The following KIAA1755 variants were observed in gnomAD, a reference collection of about 807,000 sequenced individuals.
KIAA1755 encodes KIAA1755.
Under a neutral mutation model 91.7 loss-of-function variants are expected in KIAA1755, and 68 were observed. The ratio of observed to expected loss-of-function variants is 0.74; its 90% CI spans 0.61 to 0.91. The LOEUF is 0.91. Ranked by LOEUF, KIAA1755 falls within the 40% of genes least tolerant of loss-of-function variation. The pLI, the probability that KIAA1755 is intolerant of heterozygous loss-of-function variation, is 0.00. For missense variants in KIAA1755, 1,535 were observed against 1,494.4 expected (o/e 1.03, Z -0.45); for synonymous variants, 610 against 604.6 (o/e 1.01, Z -0.13).
chr20:38,212,086 C>CTA lies in KIAA1755; in HGVS notation c.*955_*956insTA, dbSNP rs1279431413. ...ATCCCAGCACTTTGGGAGGCTGAGT[C>CTA]CAGAGGATCACTTGAGCTTGAGATC... is the stretch of plus-strand genomic sequence containing the variant. On this transcript the variant is annotated 3_prime_UTR_variant, in exon 14 of 14. Transcript: ENST00000279024. 1 of 152,244 alleles carries CTA rather than the reference C, an allele frequency of 6.6e-6. No homozygotes were observed. The highest frequency in any genetic ancestry group is 1.5e-5 in the Non-Finnish European group (1 of 68,120). The allele number at this position is 152,244 out of a possible 1,614,324, so 9.4% of individuals were successfully genotyped here.
rs11482397 is a variant in KIAA1755, at chr20:38,213,955, C to CTT, written c.2902-214_2902-213dup. On this transcript the variant is annotated intron_variant, in intron 13 of 13. Transcript: ENST00000279024. Reference sequence around the variant, plus strand: ...AAGCACCCTTAGAATCATCAGACACCTTTTTTTTTTTTTTGAGATGGAGTC... The same window carrying CTT: ...AAGCACCCTTAGAATCATCAGACACCTTTTTTTTTTTTTTTTGAGATGGAGTC... Among the ~76,000 whole-genome samples, 350 of 142,894 alleles carry CTT rather than the reference C, an allele frequency of 2.4e-3. 2 individuals are homozygous for CTT. The highest frequency in any genetic ancestry group is 7.1e-3 in the Middle Eastern group (2 of 282). The allele number at this position is 142,894 out of a possible 152,430, so 93.7% of individuals were successfully genotyped here. A position where few individuals can be genotyped will look rare whatever the true frequency, so the allele number is the denominator to read the frequency against.
chr20:38,255,218 C>T (rs2076320110), intron 1 of KIAA1755, among the ~76,000 whole-genome samples: 1 of 152,028 alleles, frequency 6.6e-6, no homozygotes, highest in South Asian at 2.1e-4. Flanking sequence ...CTGCCTCAGG[C>T]CTAGGGAGAG....
At chr20:38,218,680 G>A (rs1035536355) in intron 11 of KIAA1755, among the ~76,000 whole-genome samples, 4 of 152,256 alleles carry the variant, frequency 2.6e-5, no homozygotes, top group Admixed American at 6.5e-5. Context: ...ACTCAGAGAC[G>A]CCGGATCATA....
intron 6 of KIAA1755, 22 bp from the exon 7 acceptor site, chr20:38,227,262 G>T: frequency 6.3e-7 from 1 of 1,593,302 alleles, no homozygotes; most frequent in Non-Finnish European, 8.6e-7. Context: ...AACCACTGCA[G>T]AGTTGCTCTG....
rs1372187473 is a variant in KIAA1755 at position 38,239,532 on chromosome 20, C to A, written c.1743G>T (p.Leu581=). The change falls in exon 4 of 14, where the codon CTG becomes CTT. Residue 581 remains leucine (L), a synonymous_variant. Coordinates refer to ENST00000279024, the MANE Select transcript of KIAA1755 (RefSeq NM_001029864.2). Reference sequence around the variant, plus strand: ...CCTGCTTGAATCCCCTGGAACCTGGCAGGCATGCTATCCTGGAGCGGAAAA... The same window carrying A: ...CCTGCTTGAATCCCCTGGAACCTGGAAGGCATGCTATCCTGGAGCGGAAAA... ...VKVFRSRIAC[L]PGGRDRAGRP... 1 of 1,613,662 alleles carries A rather than the reference C, an allele frequency of 6.2e-7. No homozygotes were observed. The highest frequency in any genetic ancestry group is 8.5e-7 in the Non-Finnish European group (1 of 1,179,908).
At chr20:38,246,275 G>A in intron 1 of KIAA1755, 149 bp from the exon 2 acceptor site, 1 of 655,142 alleles carries the variant, frequency 1.5e-6, no homozygotes, top group Middle Eastern at 4.2e-4. Context: ...ATCACTGCCA[G>A]CCACACTGGC....
chr20:38,254,617 G>A (rs768352963), intron 1 of KIAA1755, among the ~76,000 whole-genome samples: 17 of 151,950 alleles, frequency 1.1e-4, no homozygotes, highest in Non-Finnish European at 2.2e-4. Context: ...GTGACAGCCT[G>A]TCTCTATAAA....
intron 3 of KIAA1755, 96 bp from the exon 4 acceptor site, chr20:38,239,821 C>CTATTA: frequency 1.8e-6 from 2 of 1,110,822 alleles, no homozygotes; most frequent in Non-Finnish European, 2.7e-6. Context: ...CTAATAATAG[C>CTATTA]TTACAACTAT....
In KIAA1755 at chr20:38,248,306, T is replaced by C. The variant is rs189877923; in HGVS notation, c.4-2180A>G. The stretch of plus-strand genomic sequence containing the variant: ...GATGTGATGTTGCTGGCTTGGAACA[T>C]AGAGCGGGAGCCAAGGAATGCGGGC... On this transcript the variant is annotated intron_variant, in intron 1 of 13. Transcript: ENST00000279024. Among the ~76,000 whole-genome samples, 11 of 152,166 alleles carry C rather than the reference T, an allele frequency of 7.2e-5. No homozygotes were observed. The East Asian group carries it at 1.4e-3, about 19-fold the overall frequency.
In KIAA1755 at chr20:38,245,970, G is replaced by A. The variant is rs754271971; in HGVS notation, c.160C>T (p.Pro54Ser). Residue 54 changes from proline to serine, a missense_variant, in exon 2 of 14, where the codon CCT (proline) becomes TCT (serine). Transcript: ENST00000279024. Reference sequence around the variant, plus strand: ...ACTTGCTCACACAGGCGCTTGGCAGGGATCAGGAAATCCAGAAGGAAGCTC... The same window carrying A: ...ACTTGCTCACACAGGCGCTTGGCAGAGATCAGGAAATCCAGAAGGAAGCTC... ...GLSFLLDFLI[P>S]AKRLCEQVRE... 3 of 1,614,160 alleles carry A rather than the reference G, an allele frequency of 1.9e-6. No individual in the cohort carries two copies. Among genetic ancestry groups the A allele is most frequent in the Non-Finnish European group, 2.5e-6 (3 of 1,180,030 alleles).
chr20:38,242,186 G>A lies in KIAA1755; in HGVS notation c.202-257C>T, dbSNP rs75548462. 3.4e-3 allele frequency among the ~76,000 whole-genome samples: 524 copies of A among 152,270 alleles called. 4 individuals are homozygous for A. In the East Asian group the frequency reaches 0.043, roughly 12 times the overall value. Reference sequence around the variant, plus strand: ...GAGCACCATGCACTAGTTAGCAATCGGCTTTCCCAAGTGGTCCCCTTGCTT... The same window carrying A: ...GAGCACCATGCACTAGTTAGCAATCAGCTTTCCCAAGTGGTCCCCTTGCTT... On this transcript the variant is annotated intron_variant, in intron 2 of 13. Transcript: ENST00000279024.
chr20:38,245,658 G>C (rs1031918102), intron 2 of KIAA1755, among the ~76,000 whole-genome samples: 1 of 152,214 alleles, frequency 6.6e-6, no homozygotes, highest in Non-Finnish European at 1.5e-5. Flanking sequence ...CCCAAGACCA[G>C]GGAGCCCCCA....
chr20:38,259,810 A>G (rs1349984900), intron 1 of KIAA1755, among the ~76,000 whole-genome samples: 1 of 127,368 alleles, frequency 7.9e-6, no homozygotes, highest in South Asian at 3.0e-4. Context: ...CATCCCTGCC[A>G]CCACCACCAC....
Position 38,219,760 on chromosome 20 carries a change from A to T in KIAA1755, c.2426T>A (p.Leu809Gln), listed in dbSNP as rs2075623777. ...LDFSPDVRSH[L>Q]AAATALYSLV... Reference sequence around the variant, plus strand: ...GCTGTACAAGGCAGTGGCTGCAGCCAGATGGCTCCTGGGAGGTGGGCGGAG... The same window carrying T: ...GCTGTACAAGGCAGTGGCTGCAGCCTGATGGCTCCTGGGAGGTGGGCGGAG... Residue 809 changes from leucine (L) to glutamine (Q), a missense_variant, in exon 11 of 14, where the codon CTG becomes CAG. Coordinates refer to ENST00000279024, the MANE Select transcript of KIAA1755 (RefSeq NM_001029864.2). The T allele has an allele frequency of 1.2e-6, 2 of 1,614,066 alleles. No homozygotes were observed. Among genetic ancestry groups the T allele is most frequent in the Non-Finnish European group, 1.7e-6 (2 of 1,180,030 alleles).
intron 5 of KIAA1755, 112 bp downstream of exon 5, chr20:38,231,088 AAC>A: frequency 8.4e-7 from 1 of 1,195,648 alleles, no homozygotes; most frequent in Non-Finnish European, 1.2e-6. Flanking sequence ...TGGCTCTGTG[AAC>A]AGACGACTGG....
rs2076066366 is a variant in KIAA1755 at position 38,241,578 on chromosome 20, C to T, written c.553G>A (p.Glu185Lys). Residue 185 changes from glutamate to lysine, a missense_variant, in exon 3 of 14, where the codon GAG becomes AAG. By Grantham distance (56) the Glu-to-Lys change is moderately conservative. Transcript: ENST00000279024. ...ACTTGGGGTCTGTCATCCACAAACTCTGGGCTGGTTATCTTGGTCCAAGGC... is the reference window on the plus strand; with the variant it reads ...ACTTGGGGTCTGTCATCCACAAACTTTGGGCTGGTTATCTTGGTCCAAGGC... Reference protein sequence around the residue: ...PVPWTKITSPEFVDDRPQVVN... With the variant: ...PVPWTKITSPKFVDDRPQVVN... The T allele has an allele frequency of 3.7e-6, 6 of 1,614,138 alleles. No homozygotes were observed. In the South Asian group the frequency reaches 5.5e-5, roughly 15 times the overall value.
Position 38,223,538 on chromosome 20 carries a change from C to T in KIAA1755, c.2268G>A (p.Gln756=). Residue 756 remains glutamine (Q), a splice_region_variant and synonymous_variant, in exon 9 of 14, where the codon CAG becomes CAA. Coordinates refer to ENST00000279024, the MANE Select transcript of KIAA1755 (RefSeq NM_001029864.2). The stretch of plus-strand genomic sequence containing the variant: ...CCCAGTCACCATGCTCCAGGCTCAC[C>T]TGCATCCCCCCAGGGGGGTCGGCCT... ...FEKADPPGGM[Q]EATRCLSKSK... The T allele has an allele frequency of 6.3e-7, 1 of 1,576,930 alleles. No homozygotes were observed. Among genetic ancestry groups the T allele is most frequent in the Non-Finnish European group, 8.6e-7 (1 of 1,166,274 alleles).
At position 38,213,658 on chromosome 20, in the gene KIAA1755, C is replaced by T. The variant is rs781522322; in HGVS notation, c.2987G>A (p.Arg996His). The stretch of plus-strand genomic sequence containing the variant: ...TCGCTGCAGGTAGCGGTGGAGGCGG[C>T]GCTGGTCCCCAGGACTGACCCTTGA... ...KTSRVSPGDQ[R>H]RLHRYLQRLA... Residue 996 changes from arginine to histidine, a missense_variant, in exon 14 of 14, where the codon CGC (arginine) becomes CAC (histidine). Coordinates refer to ENST00000279024, the MANE Select transcript of KIAA1755 (RefSeq NM_001029864.2). 73 of 1,605,210 alleles carry T rather than the reference C, an allele frequency of 4.5e-5. No homozygotes were observed. In the Middle Eastern group the frequency reaches 8.3e-4, roughly 18 times the overall value.
intron 1 of KIAA1755, among the ~76,000 whole-genome samples, chr20:38,250,050 G>A (rs2081301440): frequency 6.6e-6 from 1 of 152,152 alleles, no homozygotes; most frequent in Admixed American, 6.5e-5. Flanking sequence ...ATTTGTTTTG[G>A]TTTTGGAAAT....
Sources: gnomAD v4.1 joint callset for allele counts (sites outside exome capture counted in the v4.1 genomes callset) on GRCh38, gnomAD v4.1.1 for gene constraint, MANE v1.5 for transcripts, NCBI Gene and HGNC (gene_info 2026-07-23, HGNC 2026-07-21) for gene names.